The following RXFP2 variants were observed in gnomAD, a reference collection of about 807,000 sequenced individuals.
RXFP2 encodes relaxin receptor 2.
RXFP2 carries 68 observed loss-of-function variants against 88.6 expected under a neutral mutation model. The observed-to-expected ratio is 0.77, with a 90% CI of 0.63 to 0.94. The LOEUF is 0.94. Among genes scored for constraint, RXFP2 ranks in the 40% least tolerant of loss-of-function variants. The pLI is 0.00. For missense variants in RXFP2, 791 were observed against 893.9 expected (o/e 0.88, Z 1.47); for synonymous variants, 329 against 306.8 (o/e 1.07, Z -0.76).
At chr13:31,764,613 A>C (rs1308373387) in intron 3 of RXFP2, among the ~76,000 whole-genome samples, 1 of 152,150 alleles carries the variant, frequency 6.6e-6, no homozygotes, top group Non-Finnish European at 1.5e-5. Context: ...TTGAAGGAAG[A>C]AAAAAAATGA....
At chr13:31,748,603 G>A (rs1240686339) in intron 1 of RXFP2, among the ~76,000 whole-genome samples, 1 of 151,988 alleles carries the variant, frequency 6.6e-6, no homozygotes, top group African/African-American at 2.4e-5. Flanking sequence ...TGATTAGTAG[G>A]ACACCTATAC....
chr13:31,740,266 T>A (rs1473658344), intron 1 of RXFP2, among the ~76,000 whole-genome samples: 4 of 152,056 alleles, frequency 2.6e-5, no homozygotes, highest in African/African-American at 9.7e-5. Flanking sequence ...TTGTGGAAAT[T>A]TTTATTTCAG....
At chr13:31,785,300 C>G (rs761521539) in intron 11 of RXFP2, among the ~76,000 whole-genome samples, 12 of 152,082 alleles carry the variant, frequency 7.9e-5, no homozygotes, top group Non-Finnish European at 1.5e-4. Flanking sequence ...ATGACGTCCT[C>G]TACCTCTCCC....
At chr13:31,797,054 A>T in intron 16 of RXFP2, 147 bp from the exon 17 acceptor site, 1 of 689,346 alleles carries the variant, frequency 1.5e-6, no homozygotes. Context: ...AAGATATATC[A>T]TTATGAATGT....
intron 5 of RXFP2, 84 bp downstream of exon 5, chr13:31,766,111 TTTG>T (rs1355679142): frequency 9.4e-6 from 7 of 746,300 alleles, no homozygotes; most frequent in East Asian, 2.5e-5. Flanking sequence ...TAAAATATTG[TTTG>T]TTATCTTTAT....
intron 11 of RXFP2, among the ~76,000 whole-genome samples, chr13:31,783,516 T>TAATTC (rs34912730): frequency 2.0e-5 from 3 of 151,292 alleles, no homozygotes; most frequent in Non-Finnish European, 3.0e-5. Flanking sequence ...TTGGAGAAAA[T>TAATTC]AATAAGAGTA....
chr13:31,788,137 G>GA (rs11434187), intron 13 of RXFP2, among the ~76,000 whole-genome samples: 9,834 of 138,194 alleles, frequency 0.071, 823 homozygotes, highest in African/African-American at 0.21. Flanking sequence ...GAGCCAGAGA[G>GA]AAAAAAAAAA....
intron 1 of RXFP2, among the ~76,000 whole-genome samples, chr13:31,741,997 G>A (rs1871239094): frequency 6.6e-6 from 1 of 152,046 alleles, no homozygotes; most frequent in Non-Finnish European, 1.5e-5. Context: ...TAATTAGACT[G>A]GGAACTCCAA....
At chr13:31,766,850 G>A (rs550428485) in intron 5 of RXFP2, among the ~76,000 whole-genome samples, 3 of 152,150 alleles carry the variant, frequency 2.0e-5, no homozygotes, top group African/African-American at 7.2e-5. Flanking sequence ...ATTCAGGTTC[G>A]TGTATCAGTC....
chr13:31,799,582 G>T (rs1471705724), intron 17 of RXFP2, among the ~76,000 whole-genome samples: 1 of 152,102 alleles, frequency 6.6e-6, no homozygotes, highest in Non-Finnish European at 1.5e-5. Flanking sequence ...GTGGAAGAAG[G>T]ACCCAGCAAC....
chr13:31,756,951 A>T (rs1871984618), intron 1 of RXFP2, among the ~76,000 whole-genome samples: 1 of 152,126 alleles, frequency 6.6e-6, no homozygotes, highest in South Asian at 2.1e-4. Flanking sequence ...TGACTTCTGT[A>T]ATTTTATTAG....
intron 5 of RXFP2, among the ~76,000 whole-genome samples, chr13:31,768,765 C>G (rs1430974053): frequency 6.6e-6 from 1 of 152,198 alleles, no homozygotes; most frequent in Non-Finnish European, 1.5e-5. Context: ...ATCCCCTTTA[C>G]CCACATTCCT....
At chr13:31,743,277 G>C (rs560469299) in intron 1 of RXFP2, among the ~76,000 whole-genome samples, 2 of 152,126 alleles carry the variant, frequency 1.3e-5, no homozygotes, top group African/African-American at 2.4e-5. Flanking sequence ...AGACCAGCCT[G>C]GAAAACATGG....
At chr13:31,759,324 C>G (rs964266070) in intron 2 of RXFP2, among the ~76,000 whole-genome samples, 2 of 142,046 alleles carry the variant, frequency 1.4e-5, no homozygotes, top group Non-Finnish European at 3.0e-5. Flanking sequence ...GGGAGGGATA[C>G]TTCAAGGATG....
intron 3 of RXFP2, among the ~76,000 whole-genome samples, chr13:31,763,062 G>A (rs1036329167): frequency 4.0e-5 from 6 of 148,670 alleles, no homozygotes; most frequent in East Asian, 4.0e-4. Flanking sequence ...TGCAAAGAAC[G>A]TTTGACAGTG....
At chr13:31,774,556 G>A (rs993981377) in intron 5 of RXFP2, 64 bp from the exon 6 acceptor site, 5 of 852,434 alleles carry the variant, frequency 5.9e-6, no homozygotes, top group African/African-American at 3.3e-5. Context: ...TGGAGAATAT[G>A]TTCAACAACC....
At chr13:31,783,878 A>G (rs947851479) in intron 11 of RXFP2, among the ~76,000 whole-genome samples, 2 of 151,864 alleles carry the variant, frequency 1.3e-5, no homozygotes, top group African/African-American at 4.8e-5. Context: ...GTGCAATGGC[A>G]TGATCTCCAC....
rs1436130152 is a variant in RXFP2 at position 31,802,580 on chromosome 13, C to T, written c.*175C>T. 1.9e-5 allele frequency: 14 copies of T among 743,260 alleles called. No homozygotes were observed. The highest frequency in any genetic ancestry group is 3.0e-5 in the Non-Finnish European group (13 of 431,834). 46.0% of individuals were successfully genotyped at this position (743,260 alleles called of 1,614,324 possible). On this transcript the variant is annotated 3_prime_UTR_variant, in exon 18 of 18. Coordinates refer to ENST00000298386, the MANE Select transcript of RXFP2 (RefSeq NM_130806.5). ...AATGGCAGCTGTACTATCTACCAAC[C>T]ATGCTGAGGACAGCACCAAAGGTTC...
chr13:31,784,570 G>T (rs546642912), intron 11 of RXFP2, among the ~76,000 whole-genome samples: 42 of 152,164 alleles, frequency 2.8e-4, no homozygotes, highest in Non-Finnish European at 5.0e-4. Flanking sequence ...GCTCTCTCTG[G>T]CCTGTGTGCA....
Sources: allele counts gnomAD v4.1 joint callset (sites outside exome capture counted in the v4.1 genomes callset), GRCh38; gene constraint gnomAD v4.1.1; transcripts MANE v1.5; gene names NCBI Gene and HGNC (gene_info 2026-07-23, HGNC 2026-07-21).